LSM14B: variants seen among roughly 807,000 people sequenced by gnomAD.
LSM14B encodes LSM family member 14B.
LSM14B carries 8 observed loss-of-function variants against 42.1 expected under a neutral mutation model. The ratio of observed to expected loss-of-function variants is 0.19; its 90% CI spans 0.11 to 0.34. LSM14B has a LOEUF of 0.34. Among genes scored for constraint, LSM14B ranks in the 10% least tolerant of loss-of-function variants. The pLI, the probability that LSM14B is intolerant of heterozygous loss-of-function variation, is 1.00. For synonymous variants in LSM14B, 219 were observed against 209.7 expected, an observed-to-expected ratio of 1.04 and a Z score of -0.38; for missense variants, 396 against 513.1, an observed-to-expected ratio of 0.77 and a Z score of 2.21.
At chr20:62,129,974 T>G in intron 4 of LSM14B, 22 bp downstream of exon 4, 1 of 1,587,454 alleles carries the variant, frequency 6.3e-7, no homozygotes, top group South Asian at 1.1e-5. Context: ...CATCATTTCC[T>G]GGAGTTTGCT....
At position 62,134,256 on chromosome 20, in the gene LSM14B, G is replaced by A. The variant is rs775995978; in HGVS notation, c.*108G>A. 2.1e-6 allele frequency: 1 copy of A among 471,832 alleles called. No individual in the cohort carries two copies. Among genetic ancestry groups the A allele is most frequent in the South Asian group, 1.5e-5 (1 of 64,576 alleles). The allele number at this position is 471,832 out of a possible 1,614,324, so 29.2% of individuals were successfully genotyped here. ...GGGAGAGGTGGTCACTTTGTTTACGGAGTTTGGAAGAGACCCATACTGCTA... is the reference window on the plus strand; with the variant it reads ...GGGAGAGGTGGTCACTTTGTTTACGAAGTTTGGAAGAGACCCATACTGCTA... On this transcript the variant is annotated 3_prime_UTR_variant, in exon 9 of 9. Transcript: ENST00000279068.
chr20:62,123,926 G>A (rs778729096), intron 1 of LSM14B, among the ~76,000 whole-genome samples: 2 of 152,192 alleles, frequency 1.3e-5, no homozygotes, highest in Admixed American at 6.5e-5. Context: ...CTGAGGCCCA[G>A]AGTAGGCCCA....
chr20:62,129,366 A>G (rs1385415504), intron 3 of LSM14B, among the ~76,000 whole-genome samples: 7 of 152,188 alleles, frequency 4.6e-5, no homozygotes, highest in Admixed American at 6.5e-5. Flanking sequence ...CCAGAATGAA[A>G]CAAATTCTCA....
chr20:62,122,879 CGGAGCCTGGCGCCCA>C lies in LSM14B; in HGVS notation c.127+88_127+102del. 3 of 1,177,914 alleles carry C rather than the reference CGGAGCCTGGCGCCCA, an allele frequency of 2.5e-6. No individual in the cohort carries two copies. The highest frequency in any genetic ancestry group is 2.6e-5 in the South Asian group (1 of 38,074). 73.0% of individuals were successfully genotyped at this position (1,177,914 alleles called of 1,614,324 possible). On this transcript the variant is annotated intron_variant, in intron 1 of 8. Transcript: ENST00000279068. The surrounding 1 kb of genome is among the most constrained non-coding windows in gnomAD (Gnocchi z 4.6). ...GTGCCCTCCCCGCCCCGGGGCGCCC[CGGAGCCTGGCGCCCA>C]GACCCCGCCCAGAACCCACCCAGGG...
At chr20:62,129,516 T>C (rs1004073734) in intron 3 of LSM14B, among the ~76,000 whole-genome samples, 4 of 152,132 alleles carry the variant, frequency 2.6e-5, no homozygotes, top group Non-Finnish European at 5.9e-5. Context: ...TGAGGTTCCC[T>C]AACTTGGGAA....
intron 7 of LSM14B, among the ~76,000 whole-genome samples, chr20:62,132,477 G>T (rs569896032): frequency 1.3e-5 from 2 of 152,346 alleles, no homozygotes; most frequent in East Asian, 1.9e-4. Context: ...CCAGTTAGGG[G>T]CCAGTGCTGC....
chr20:62,125,204 T>C (rs567172381), intron 2 of LSM14B, among the ~76,000 whole-genome samples: 3 of 152,330 alleles, frequency 2.0e-5, no homozygotes, highest in Admixed American at 6.5e-5. Flanking sequence ...TAATGAAAAG[T>C]GGCTTAACTT....
chr20:62,133,320 G>A lies in LSM14B; in HGVS notation c.1017G>A (p.Arg339=), dbSNP rs1248520532. ...GGCGGACGACGTGGGCCGAAGAGAGGAAGCTCAACACAGAGACCTTTGGGG... is the reference window on the plus strand; with the variant it reads ...GGCGGACGACGTGGGCCGAAGAGAGAAAGCTCAACACAGAGACCTTTGGGG... The part of the protein sequence containing the change: ...SSRRTTWAEE[R]KLNTETFGVS... The change falls in exon 8 of 9, where the codon AGG becomes AGA. Residue 339 remains arginine (R), a synonymous_variant. Transcript: ENST00000279068. 1.2e-6 allele frequency: 2 copies of A among 1,613,496 alleles called. No homozygotes were observed. Among genetic ancestry groups the A allele is most frequent in the African/African-American group, 2.7e-5 (2 of 74,884 alleles).
Position 62,134,616 on chromosome 20 carries a change from T to C in LSM14B, c.*468T>C, listed in dbSNP as rs988806258. ...TGGCACCCCACTGCCAAGGGTGGGG[T>C]CTCAGGAGTCAGGCAGGGCCAGCAC... is the stretch of plus-strand genomic sequence containing the variant. On this transcript the variant is annotated 3_prime_UTR_variant, in exon 9 of 9. Transcript: ENST00000279068. The C allele has an allele frequency of 1.5e-5, 3 of 196,224 alleles. No homozygotes were observed. Among genetic ancestry groups the C allele is most frequent in the African/African-American group, 5.3e-5 (2 of 37,794 alleles). The allele number at this position is 196,224 out of a possible 1,614,324, so 12.2% of individuals were successfully genotyped here. A position where few individuals can be genotyped will look rare whatever the true frequency, so the allele number is the denominator to read the frequency against.
At chr20:62,124,214 T>A (rs1234436425) in intron 1 of LSM14B, among the ~76,000 whole-genome samples, 6 of 152,260 alleles carry the variant, frequency 3.9e-5, no homozygotes, top group Admixed American at 2.6e-4. Context: ...AACTGCCTCC[T>A]CAGGCGCAAT....
chr20:62,126,286 C>T lies in LSM14B; in HGVS notation c.292-18C>T, dbSNP rs372103995. ...TGGGATGGCCTTCGCCGTTCTCACC[C>T]GATGTCTCGTTGTTCAGTCTTCCCT... On this transcript the variant is annotated intron_variant, in intron 2 of 8. Transcript: ENST00000279068. The T allele has an allele frequency of 2.1e-5, 34 of 1,613,830 alleles. 1 individual carries two copies. Among genetic ancestry groups the T allele is most frequent in the Middle Eastern group, 3.3e-4 (2 of 5,998 alleles).
chr20:62,128,993 A>G (rs765425076), intron 3 of LSM14B: 6 of 1,303,936 alleles, frequency 4.6e-6, no homozygotes, highest in Non-Finnish European at 6.1e-6. Flanking sequence ...TAGAGTCCCT[A>G]CAGGTCCTGG....
Position 62,129,866 on chromosome 20 carries a change from A to G in LSM14B, c.509A>G (p.Asn170Ser). 3 of 1,612,902 alleles carry G rather than the reference A, an allele frequency of 1.9e-6. No homozygotes were observed. Among genetic ancestry groups the G allele is most frequent in the Non-Finnish European group, 2.5e-6 (3 of 1,179,542 alleles). The stretch of plus-strand genomic sequence containing the variant: ...CAGACTGGTTCTGCTGACAACCTGA[A>G]TGCTAAAAAGCTGTTACCTGGCAAG... ...AVQTGSADNL[N>S]AKKLLPGKGT... is the part of the protein sequence containing the mutation. Residue 170 changes from asparagine to serine, a missense_variant, in exon 4 of 9, where the codon AAT (asparagine) becomes AGT (serine). Coordinates refer to ENST00000279068, the MANE Select transcript of LSM14B (RefSeq NM_144703.3).
chr20:62,130,020 ATTTT>A lies in LSM14B; in HGVS notation c.595+78_595+81del. 1 of 1,227,864 alleles carries A rather than the reference ATTTT, an allele frequency of 8.1e-7. No individual in the cohort carries two copies. Among genetic ancestry groups the A allele is most frequent in the Non-Finnish European group, 1.1e-6 (1 of 915,638 alleles). 76.1% of individuals were successfully genotyped at this position (1,227,864 alleles called of 1,614,324 possible). On this transcript the variant is annotated intron_variant, in intron 4 of 8. Transcript: ENST00000279068. This position sits in a 1 kb window ranked among gnomAD's most constrained non-coding sequence, Gnocchi z 4.1. ...AAAGTGGCACACTACTTCCTGGGCT[ATTTT>A]TTTTTTTTTAATTAAAAAAATACTA... is the stretch of plus-strand genomic sequence containing the variant.
chr20:62,123,934 C>A (rs926810808), intron 1 of LSM14B, among the ~76,000 whole-genome samples: 1 of 152,100 alleles, frequency 6.6e-6, no homozygotes, highest in African/African-American at 2.4e-5. Flanking sequence ...CAGAGTAGGC[C>A]CAGGAGTTAG....
intron 1 of LSM14B, chr20:62,123,289 T>C (rs1291308857): frequency 6.6e-6 from 1 of 152,494 alleles, no homozygotes; most frequent in Non-Finnish European, 1.5e-5. Flanking sequence ...AACACGCGAA[T>C]CCTGCAAGCC....
intron 3 of LSM14B, among the ~76,000 whole-genome samples, chr20:62,128,354 C>T (rs1021425893): frequency 6.6e-6 from 1 of 152,220 alleles, no homozygotes; most frequent in African/African-American, 2.4e-5. Flanking sequence ...CAAGCTGAAC[C>T]ATCGCCATTA....
At chr20:62,132,979 G>A (rs959184383) in intron 7 of LSM14B, among the ~76,000 whole-genome samples, 3 of 152,164 alleles carry the variant, frequency 2.0e-5, no homozygotes, top group East Asian at 3.9e-4. Flanking sequence ...CCTCCCCAGG[G>A]CTCCTCTCTG....
rs1470360728 is a variant in LSM14B at position 62,134,292 on chromosome 20, G to A, written c.*144G>A. The A allele has an allele frequency of 2.1e-6, 1 of 471,834 alleles. No individual in the cohort carries two copies. Among genetic ancestry groups the A allele is most frequent in the Non-Finnish European group, 4.4e-6 (1 of 227,204 alleles). 29.2% of individuals were successfully genotyped at this position (471,834 alleles called of 1,614,324 possible). A position where few individuals can be genotyped will look rare whatever the true frequency, so the allele number is the denominator to read the frequency against. On this transcript the variant is annotated 3_prime_UTR_variant, in exon 9 of 9. Coordinates refer to ENST00000279068, the MANE Select transcript of LSM14B (RefSeq NM_144703.3). ...AGACCCATACTGCTACTTGTGTTTT[G>A]GACTTAACTGAACTTGGACATGGTC... is the stretch of plus-strand genomic sequence containing the variant.
Sources: gnomAD v4.1 joint callset for allele counts (sites outside exome capture counted in the v4.1 genomes callset) on GRCh38, gnomAD v4.1.1 for gene constraint, Gnocchi (gnomAD v3.1) non-coding constraint, MANE v1.5 for transcripts, NCBI Gene and HGNC (gene_info 2026-07-23, HGNC 2026-07-21) for gene names.